LMBR1: variants seen among roughly 807,000 people sequenced by gnomAD.
LMBR1 encodes limb development membrane protein 1.
Under a neutral mutation model 73.9 loss-of-function variants are expected in LMBR1, and 52 were observed. The ratio of observed to expected loss-of-function variants is 0.70; its 90% CI spans 0.56 to 0.89. The LOEUF is 0.89. LMBR1 is among the 40% of genes least tolerant of loss of function. The probability of loss-of-function intolerance (pLI) is 0.00; values close to 1 mark genes in which losing one functional copy is unlikely to be tolerated. For missense variants in LMBR1, 539 were observed against 579.8 expected, an observed-to-expected ratio of 0.93 and a Z score of 0.72; for synonymous variants, 215 against 209.4, an observed-to-expected ratio of 1.03 and a Z score of -0.23.
At chr7:156,713,105 C>A (rs1812423383) in intron 15 of LMBR1, among the ~76,000 whole-genome samples, 1 of 152,012 alleles carries the variant, frequency 6.6e-6, no homozygotes, top group Non-Finnish European at 1.5e-5. Context: ...TATGGAGGAA[C>A]CCTAAATATA....
chr7:156,783,459 A>G (rs1585761866), intron 5 of LMBR1, among the ~76,000 whole-genome samples: 1 of 152,156 alleles, frequency 6.6e-6, no homozygotes, highest in South Asian at 2.1e-4. Context: ...GATTATAGGC[A>G]TGAGCCACTG....
At chr7:156,779,070 GAAAA>G (rs1294792743) in intron 5 of LMBR1, among the ~76,000 whole-genome samples, 2 of 152,056 alleles carry the variant, frequency 1.3e-5, no homozygotes, top group Non-Finnish European at 2.9e-5. Flanking sequence ...TTCCTCTAGT[GAAAA>G]AAGTCTCCTG....
chr7:156,792,274 C>T (rs758193273), intron 5 of LMBR1, among the ~76,000 whole-genome samples: 1 of 152,114 alleles, frequency 6.6e-6, no homozygotes, highest in Non-Finnish European at 1.5e-5. Context: ...GCAGAAAAAG[C>T]AGGCTTACTG....
chr7:156,710,123 T>C (rs927039136), intron 15 of LMBR1, among the ~76,000 whole-genome samples: 1 of 151,430 alleles, frequency 6.6e-6, no homozygotes, highest in African/African-American at 2.4e-5. Flanking sequence ...GCCAGGATGC[T>C]CTCGATCTCC....
At chr7:156,842,182 C>G (rs1838829162) in intron 1 of LMBR1, among the ~76,000 whole-genome samples, 1 of 150,612 alleles carries the variant, frequency 6.6e-6, no homozygotes, top group Admixed American at 6.7e-5. Context: ...AGAAGTGCTG[C>G]AGGGTAATAA....
Position 156,678,000 on chromosome 7 carries a change from A to G in LMBR1, c.*6078T>C, listed in dbSNP as rs910188049. On this transcript the variant is annotated 3_prime_UTR_variant, in exon 17 of 17. Coordinates refer to ENST00000353442, the MANE Select transcript of LMBR1 (RefSeq NM_022458.4). ...CAGAGCAGTCCGATTCCGCCGCCCT[A>G]AACTTTGGATCTAGAAGGAGAGTCC... is the stretch of plus-strand genomic sequence containing the variant. The G allele has an allele frequency of 1.3e-5, 2 of 152,270 alleles. No individual in the cohort carries two copies. Among genetic ancestry groups the G allele is most frequent in the African/African-American group, 4.8e-5 (2 of 41,442 alleles). The allele number at this position is 152,270 out of a possible 1,614,324, so 9.4% of individuals were successfully genotyped here.
chr7:156,833,108 G>A (rs1213428925), intron 3 of LMBR1, among the ~76,000 whole-genome samples: 1 of 152,094 alleles, frequency 6.6e-6, no homozygotes, highest in Non-Finnish European at 1.5e-5. Context: ...TAAACAGTTG[G>A]AGTAAAAAAA....
intron 7 of LMBR1, among the ~76,000 whole-genome samples, chr7:156,762,616 T>C (rs1236422475): frequency 1.3e-5 from 2 of 152,254 alleles, no homozygotes; most frequent in African/African-American, 4.8e-5. Context: ...ACTACATTTA[T>C]CTACTTATCC....
intron 3 of LMBR1, among the ~76,000 whole-genome samples, chr7:156,832,547 T>C (rs560621158): frequency 3.3e-5 from 5 of 152,348 alleles, no homozygotes; most frequent in African/African-American, 1.2e-4. Flanking sequence ...TTGCACACTA[T>C]GTGGCCTTTT....
intron 4 of LMBR1, among the ~76,000 whole-genome samples, chr7:156,821,795 T>C (rs1033328924): frequency 2.1e-4 from 31 of 148,946 alleles, no homozygotes; most frequent in South Asian, 2.1e-4. Context: ...ACCCCTGTCA[T>C]TGCCCAATGG....
intron 4 of LMBR1, among the ~76,000 whole-genome samples, chr7:156,807,473 G>A (rs1227791132): frequency 6.6e-6 from 1 of 152,158 alleles, no homozygotes; most frequent in East Asian, 1.9e-4. Context: ...TTGGATAAAG[G>A]TGTTCATAAT....
chr7:156,766,307 T>C (rs1300037003), intron 5 of LMBR1, among the ~76,000 whole-genome samples: 2 of 152,088 alleles, frequency 1.3e-5, no homozygotes, highest in Non-Finnish European at 2.9e-5. Flanking sequence ...AAGCAAAGGT[T>C]AGACAGGGTT....
rs555758969 is a variant in LMBR1, at chr7:156,689,647, AT to A, written c.1226-1457del. Among the ~76,000 whole-genome samples, 297 of 152,292 alleles carry A rather than the reference AT, an allele frequency of 2.0e-3. 1 individual carries two copies. The highest frequency in any genetic ancestry group is 6.6e-3 in the African/African-American group (273 of 41,562). The stretch of plus-strand genomic sequence containing the variant: ...TTAAAAGACAGTAATATACCAAAAT[AT>A]TTTTTTAAGGTAGATAATTAATGAA... On this transcript the variant is annotated intron_variant, in intron 15 of 16. Transcript: ENST00000353442.
intron 4 of LMBR1, among the ~76,000 whole-genome samples, chr7:156,798,958 C>A (rs1026260914): frequency 1.8e-4 from 28 of 151,802 alleles, no homozygotes; most frequent in African/African-American, 6.1e-4. Flanking sequence ...CTTTGGGAGG[C>A]CGAGGCAGGC....
Position 156,861,357 on chromosome 7 carries a change from G to A in LMBR1, c.67-24472C>T, listed in dbSNP as rs1421694824. Among the ~76,000 whole-genome samples, 3 of 152,322 alleles carry A rather than the reference G, an allele frequency of 2.0e-5. No individual in the cohort carries two copies. The South Asian group carries it at 6.2e-4, about 32-fold the overall frequency. On this transcript the variant is annotated intron_variant, in intron 1 of 16. Transcript: ENST00000353442. ...ACAGCTGGAACAGCTGGGACTCAAG[G>A]CACCAAGTCCTGAGGCTGCACAGAG...
chr7:156,801,828 A>T (rs1315648767), intron 4 of LMBR1, among the ~76,000 whole-genome samples: 1 of 152,106 alleles, frequency 6.6e-6, no homozygotes, highest in East Asian at 1.9e-4. Context: ...CACTGCACTC[A>T]GCCAGCTACC....
chr7:156,788,108 A>T (rs1828479038), intron 5 of LMBR1, among the ~76,000 whole-genome samples: 1 of 152,098 alleles, frequency 6.6e-6, no homozygotes, highest in Admixed American at 6.6e-5. Flanking sequence ...CATTAATTTT[A>T]AGGTTTTAGG....
intron 1 of LMBR1, among the ~76,000 whole-genome samples, chr7:156,874,262 T>C (rs554259985): frequency 3.0e-4 from 46 of 152,324 alleles, no homozygotes; most frequent in African/African-American, 1.1e-3. Context: ...AGTCCCTCAT[T>C]GCCCGGGGCC....
chr7:156,887,191 C>T (rs187330661), intron 1 of LMBR1, among the ~76,000 whole-genome samples: 35 of 152,272 alleles, frequency 2.3e-4, no homozygotes, highest in African/African-American at 7.2e-4. Context: ...CTAGGCTGGG[C>T]GCGGTGGCTC....
Sources: gnomAD v4.1 joint callset for allele counts (sites outside exome capture counted in the v4.1 genomes callset) on GRCh38, gnomAD v4.1.1 for gene constraint, MANE v1.5 for transcripts, NCBI Gene and HGNC (gene_info 2026-07-23, HGNC 2026-07-21) for gene names.